TEAD1: variants seen among roughly 807,000 people sequenced by gnomAD.
TEAD1 encodes the protein TEA domain transcription factor 1.
In TEAD1, 9 loss-of-function variants were observed where a neutral mutation model predicts 54.9. That is an observed-to-expected ratio of 0.16 (90% CI 0.10 to 0.29). TEAD1 has a LOEUF of 0.29. Ranked by LOEUF, TEAD1 falls within the 10% of genes least tolerant of loss-of-function variation. The pLI is 1.00. For missense variants in TEAD1, 387 were observed against 535.9 expected (o/e 0.72, Z 2.74); for synonymous variants, 200 against 187.8 (o/e 1.07, Z -0.53).
At chr11:12,690,036 C>T (rs188055960) in intron 2 of TEAD1, among the ~76,000 whole-genome samples, 2 of 151,852 alleles carry the variant, frequency 1.3e-5, no homozygotes, top group South Asian at 4.2e-4. Context: ...GTCAGGAGAT[C>T]GAGACCATCC....
Position 12,901,929 on chromosome 11 carries a change from G to A in TEAD1, c.700-11G>A, listed in dbSNP as rs765860660. On this transcript the variant is annotated splice_polypyrimidine_tract_variant and intron_variant, in intron 9 of 12. Transcript: ENST00000527636. The stretch of plus-strand genomic sequence containing the variant: ...GTTTGTAATGGGAATGTTTCTGTTG[G>A]TTTCTTACAGTACAACAAACACCTC... The A allele has an allele frequency of 1.2e-6, 2 of 1,614,136 alleles. No homozygotes were observed. The highest frequency in any genetic ancestry group is 8.5e-7 in the Non-Finnish European group (1 of 1,180,016).
chr11:12,771,105 A>C (rs1365433994), intron 3 of TEAD1, among the ~76,000 whole-genome samples: 4 of 152,192 alleles, frequency 2.6e-5, no homozygotes, highest in African/African-American at 7.2e-5. Context: ...GGAGAAGGGA[A>C]GGGCATTCTG....
At chr11:12,702,972 A>C (rs1262615560) in intron 2 of TEAD1, among the ~76,000 whole-genome samples, 2 of 152,170 alleles carry the variant, frequency 1.3e-5, no homozygotes, top group African/African-American at 2.4e-5. Flanking sequence ...TACCTTGTCC[A>C]AAACTGCACA....
chr11:12,762,286 C>CTT (rs1372856034), intron 2 of TEAD1, among the ~76,000 whole-genome samples: 2 of 152,122 alleles, frequency 1.3e-5, no homozygotes, highest in African/African-American at 4.8e-5. Flanking sequence ...TCAAAGAATT[C>CTT]ATTCTTATTC....
At position 12,764,424 on chromosome 11, in the gene TEAD1, C is replaced by T; in HGVS notation, c.192C>T (p.Gly64=). Residue 64 remains glycine, a synonymous_variant, in exon 3 of 13, where the codon GGC becomes GGT. Transcript: ENST00000527636. Reference sequence around the variant, plus strand: ...GGAAAATCATCTTATCAGACGAAGGCAAAATGTATGGTAAGTGGCCTGGAA... The same window carrying T: ...GGAAAATCATCTTATCAGACGAAGGTAAAATGTATGGTAAGTGGCCTGGAA... 6.2e-7 allele frequency: 1 copy of T among 1,614,116 alleles called. No individual in the cohort carries two copies. The highest frequency in any genetic ancestry group is 8.5e-7 in the Non-Finnish European group (1 of 1,180,010).
chr11:12,944,562 A>G lies in TEAD1; in HGVS notation c.*7340A>G, dbSNP rs2134184475. On this transcript the variant is annotated 3_prime_UTR_variant, in exon 13 of 13. Transcript: ENST00000527636. ...ATACCCATGACAGTTAAGTGCAATT[A>G]TTTCATCACTCTAAAAATGCTATTT... 6.6e-6 allele frequency: 1 copy of G among 152,408 alleles called. No individual in the cohort carries two copies. The highest frequency in any genetic ancestry group is 3.4e-3 in the Middle Eastern group (1 of 292). 9.4% of individuals were successfully genotyped at this position (152,408 alleles called of 1,614,324 possible).
intron 3 of TEAD1, among the ~76,000 whole-genome samples, chr11:12,792,426 C>G (rs917845101): frequency 2.7e-5 from 4 of 148,850 alleles, no homozygotes; most frequent in African/African-American, 7.4e-5. Context: ...AAAATATAGG[C>G]AAGTCTGAAA....
intron 2 of TEAD1, among the ~76,000 whole-genome samples, chr11:12,747,012 G>A (rs1231783890): frequency 2.6e-5 from 4 of 152,230 alleles, no homozygotes; most frequent in African/African-American, 9.6e-5. Context: ...AGACCAGGTA[G>A]TCAGGGTGTT....
At chr11:12,810,718 G>A (rs1047021295) in intron 3 of TEAD1, among the ~76,000 whole-genome samples, 8 of 152,330 alleles carry the variant, frequency 5.3e-5, no homozygotes, top group Middle Eastern at 3.4e-3. Context: ...CGAGCACAGT[G>A]GCTGATGTCA....
chr11:12,770,111 CA>C (rs145785946), intron 3 of TEAD1, among the ~76,000 whole-genome samples: 3,239 of 152,288 alleles, frequency 0.021, 123 homozygotes, highest in African/African-American at 0.074. Context: ...TGGACAATAG[CA>C]GAGCAAGGGT....
chr11:12,680,791 C>G (rs930984849), intron 2 of TEAD1, among the ~76,000 whole-genome samples: 1 of 152,170 alleles, frequency 6.6e-6, no homozygotes, highest in Non-Finnish European at 1.5e-5. Flanking sequence ...CACATGCCGC[C>G]GCTGCTGGGT....
chr11:12,840,371 A>G (rs1947008825), intron 3 of TEAD1, among the ~76,000 whole-genome samples: 1 of 151,454 alleles, frequency 6.6e-6, no homozygotes, highest in South Asian at 2.1e-4. Context: ...AAGGATGGGG[A>G]GTCAGAAGAA....
chr11:12,902,945 G>T (rs1380819414), intron 10 of TEAD1, among the ~76,000 whole-genome samples: 1 of 152,110 alleles, frequency 6.6e-6, no homozygotes, highest in Non-Finnish European at 1.5e-5. Flanking sequence ...CATTTGAGCA[G>T]ACCATTGATT....
chr11:12,741,855 C>A (rs1322164407), intron 2 of TEAD1, among the ~76,000 whole-genome samples: 1 of 152,168 alleles, frequency 6.6e-6, no homozygotes, highest in Non-Finnish European at 1.5e-5. Context: ...TCACAGTGGC[C>A]AGAGTCTGGG....
chr11:12,903,657 A>G (rs1253783866), intron 10 of TEAD1, among the ~76,000 whole-genome samples: 1 of 152,136 alleles, frequency 6.6e-6, no homozygotes, highest in Non-Finnish European at 1.5e-5. Flanking sequence ...TACGAAAAAT[A>G]CAAAATTAGT....
At chr11:12,908,848 A>G (rs1469315602) in intron 10 of TEAD1, among the ~76,000 whole-genome samples, 1 of 148,864 alleles carries the variant, frequency 6.7e-6, no homozygotes, top group Non-Finnish European at 1.5e-5. Flanking sequence ...ATGAAATATC[A>G]TGTTAGCTAT....
chr11:12,873,589 G>A (rs1947797837), intron 5 of TEAD1, among the ~76,000 whole-genome samples: 1 of 152,334 alleles, frequency 6.6e-6, no homozygotes, highest in Admixed American at 6.5e-5. Context: ...ATTAGGCAGC[G>A]AGTCAGGAGA....
intron 5 of TEAD1, among the ~76,000 whole-genome samples, chr11:12,871,995 G>A (rs767783566): frequency 4.6e-5 from 7 of 152,088 alleles, no homozygotes; most frequent in African/African-American, 7.2e-5. Flanking sequence ...GTGCTCCCCC[G>A]GGGCCATTTT....
intron 2 of TEAD1, among the ~76,000 whole-genome samples, chr11:12,702,130 T>C (rs946616859): frequency 3.3e-5 from 5 of 152,172 alleles, no homozygotes; most frequent in African/African-American, 1.2e-4. Context: ...ATCCATGGTG[T>C]GCCCAGAAAT....
Sources: allele counts gnomAD v4.1 joint callset (sites outside exome capture counted in the v4.1 genomes callset), GRCh38; gene constraint gnomAD v4.1.1; transcripts MANE v1.5; gene names NCBI Gene and HGNC (gene_info 2026-07-23, HGNC 2026-07-21).